The following RAI1 variants were observed in gnomAD, a reference collection of about 807,000 sequenced individuals.
RAI1 encodes the protein retinoic acid induced 1, also known as retinoic acid-induced protein 1.
Under a neutral mutation model 123.8 loss-of-function variants are expected in RAI1, and 9 were observed. The observed-to-expected ratio is 0.07, with a 90% confidence interval of 0.04 to 0.13. The LOEUF is 0.13. Among genes scored for constraint, RAI1 ranks in the 10% least tolerant of loss-of-function variants. The pLI is 1.00. For missense variants in RAI1, 2,256 were observed against 2,545.8 expected, an observed-to-expected ratio of 0.89 and a Z score of 2.45; for synonymous variants, 1,231 against 1,127.3, an observed-to-expected ratio of 1.09 and a Z score of -1.84.
intron 1 of RAI1, among the ~76,000 whole-genome samples, chr17:17,690,139 T>C (rs9897596): frequency 0.51 from 78,105 of 151,910 alleles, 21,339 homozygotes; most frequent in African/African-American, 0.67. Context: ...AATCCCAGCA[T>C]TTTGGGAGGC....
intron 2 of RAI1, among the ~76,000 whole-genome samples, chr17:17,756,610 T>C (rs1488820138): frequency 6.6e-6 from 1 of 152,032 alleles, no homozygotes; most frequent in Admixed American, 6.6e-5. Flanking sequence ...TCAAGTAAAG[T>C]GTGCTAGCTT....
At chr17:17,698,558 A>G (rs1393196395) in intron 1 of RAI1, among the ~76,000 whole-genome samples, 1 of 152,184 alleles carries the variant, frequency 6.6e-6, no homozygotes, top group Non-Finnish European at 1.5e-5. Context: ...CCCCTGGGGC[A>G]GATACCTTTG....
At position 17,796,130 on chromosome 17, in the gene RAI1, C is replaced by A. The variant is rs770943182; in HGVS notation, c.3182C>A (p.Thr1061Lys). The stretch of plus-strand genomic sequence containing the variant: ...CCCAGGATGTGTACTCGTTCTCTCA[C>A]GGCCCTGAGTGAGCCCCGCACGCCC... ...GLPRMCTRSL[T>K]ALSEPRTPGP... is the part of the protein sequence containing the mutation. The change falls in exon 3 of 6, where the codon ACG becomes AAG. Residue 1061 changes from threonine (T) to lysine (K), a missense_variant. Physicochemically the swap from Thr to Lys is moderately conservative, Grantham distance 78. Transcript: ENST00000353383. The surrounding 1 kb of genome is among the most constrained non-coding windows in gnomAD (Gnocchi z 5.8). 1 of 1,581,584 alleles carries A rather than the reference C, an allele frequency of 6.3e-7. No homozygotes were observed. The highest frequency in any genetic ancestry group is 1.8e-5 in the Admixed American group (1 of 55,804).
chr17:17,780,184 G>C (rs2031520184), intron 2 of RAI1, among the ~76,000 whole-genome samples: 1 of 151,314 alleles, frequency 6.6e-6, no homozygotes, highest in Admixed American at 6.6e-5. Context: ...TCATGCCTCA[G>C]CCTCCCGAGT....
intron 2 of RAI1, among the ~76,000 whole-genome samples, chr17:17,726,706 A>G (rs1220565474): frequency 2.1e-5 from 3 of 145,830 alleles, no homozygotes; most frequent in African/African-American, 7.9e-5. Flanking sequence ...ATATATTGTA[A>G]AATAGCATTC....
chr17:17,808,356 T>A (rs1176317606), intron 4 of RAI1, among the ~76,000 whole-genome samples: 1 of 151,248 alleles, frequency 6.6e-6, no homozygotes, highest in Non-Finnish European at 1.5e-5. Context: ...GGTTTATTTT[T>A]AAATTTTATT....
At chr17:17,735,448 G>A (rs922142974) in intron 2 of RAI1, among the ~76,000 whole-genome samples, 1 of 151,202 alleles carries the variant, frequency 6.6e-6, no homozygotes, top group Admixed American at 6.6e-5. Context: ...CCGCCTCCCG[G>A]GTTCAAGTGA....
chr17:17,802,424 G>A (rs2032492330), intron 3 of RAI1, among the ~76,000 whole-genome samples: 1 of 152,206 alleles, frequency 6.6e-6, no homozygotes, highest in Non-Finnish European at 1.5e-5. Flanking sequence ...TGGAATGGGA[G>A]CCTCAGTTTC....
In RAI1 at chr17:17,793,304, A is replaced by G. The variant is rs752599214; in HGVS notation, c.356A>G (p.Gln119Arg). The G allele has an allele frequency of 8.7e-6, 14 of 1,612,456 alleles. No individual in the cohort carries two copies. The highest frequency in any genetic ancestry group is 1.2e-5 in the Non-Finnish European group (14 of 1,179,726). Residue 119 changes from glutamine (Q) to arginine (R), a missense_variant, in exon 3 of 6, where the codon CAG becomes CGG. Coordinates refer to ENST00000353383, the MANE Select transcript of RAI1 (RefSeq NM_030665.4). ...CGCTATGCTGGTGAGGAGAGCCTTC[A>G]GGCTTGGGGGGCCCCACAGCCACCA... is the stretch of plus-strand genomic sequence containing the variant. ...PGRYAGEESL[Q>R]AWGAPQPPPP...
At chr17:17,717,001 A>G (rs569001802) in intron 1 of RAI1, among the ~76,000 whole-genome samples, 58 of 152,330 alleles carry the variant, frequency 3.8e-4, no homozygotes, top group Middle Eastern at 3.4e-3. Flanking sequence ...AGGTCCGTCT[A>G]TAGCAGTGGC....
chr17:17,795,556 G>C lies in RAI1; in HGVS notation c.2608G>C (p.Glu870Gln), dbSNP rs751678366. 3.7e-6 allele frequency: 6 copies of C among 1,609,026 alleles called. No homozygotes were observed. In the Admixed American group the frequency reaches 1.0e-4, roughly 27 times the overall value. ...SRKEDLEAEEEYSSLCELLGS... is the reference protein window; with the variant it reads ...SRKEDLEAEEQYSSLCELLGS... ...GAAGGAGGACCTGGAAGCTGAGGAG[G>C]AGTACTCCTCCCTATGTGAGCTCCT... The change falls in exon 3 of 6, where the codon GAG becomes CAG. Residue 870 changes from glutamate to glutamine, a missense_variant. By Grantham distance (29) the Glu-to-Gln change is conservative. Transcript: ENST00000353383. This position sits in a 1 kb window ranked among gnomAD's most constrained non-coding sequence, Gnocchi z 5.9.
Position 17,794,710 on chromosome 17 carries a change from G to A in RAI1, c.1762G>A (p.Val588Met), listed in dbSNP as rs546791674. 1.8e-5 allele frequency: 29 copies of A among 1,611,818 alleles called. No homozygotes were observed. Among genetic ancestry groups the A allele is most frequent in the East Asian group, 1.3e-4 (6 of 44,890 alleles). ...SLPLDSFSKF[V>M]AGERDCPRLL... ...GCCGCTCGACAGCTTCTCCAAGTTC[G>A]TGGCGGGTGAGCGGGACTGTCCGCG... The change falls in exon 3 of 6, where the codon GTG becomes ATG. Residue 588 changes from valine to methionine, a missense_variant. Val to Met is a conservative substitution (Grantham distance 21, BLOSUM62 1). This residue lies in a region of RAI1 where 357 missense variants were observed against 480.2 expected (regional missense o/e 0.74). Transcript: ENST00000353383.
chr17:17,782,931 T>A (rs2142998945), intron 2 of RAI1, among the ~76,000 whole-genome samples: 1 of 152,300 alleles, frequency 6.6e-6, no homozygotes, highest in East Asian at 1.9e-4. Flanking sequence ...GCGCGCCCCT[T>A]GCCGCCGCCG....
At position 17,796,927 on chromosome 17, in the gene RAI1, C is replaced by G. The variant is rs1431601207; in HGVS notation, c.3979C>G (p.Leu1327Val). 6.2e-7 allele frequency: 1 copy of G among 1,613,548 alleles called. No individual in the cohort carries two copies. The highest frequency in any genetic ancestry group is 8.5e-7 in the Non-Finnish European group (1 of 1,180,032). The change falls in exon 3 of 6, where the codon CTG becomes GTG. Residue 1327 changes from leucine (L) to valine (V), a missense_variant. Around this residue, in one of 7 missense-constraint regions of RAI1, gnomAD observed 322 missense variants for 358.0 expected, o/e 0.90. Coordinates refer to ENST00000353383, the MANE Select transcript of RAI1 (RefSeq NM_030665.4). This position sits in a 1 kb window ranked among gnomAD's most constrained non-coding sequence, Gnocchi z 5.8. The part of the protein sequence containing the change: ...KVLPPRKGRG[L>V]KLEAIVQKIT... ...GCTGCCACCCCGGAAGGGCCGGGGC[C>G]TGAAGCTGGAAGCCATCGTGCAGAA...
chr17:17,798,626 A>AC, intron 3 of RAI1, 113 bp downstream of exon 3: 3 of 1,511,130 alleles, frequency 2.0e-6, no homozygotes, highest in Non-Finnish European at 2.7e-6. Flanking sequence ...ATGTGTCTGC[A>AC]GTCTCGGGAC....
chr17:17,796,823 T>C lies in RAI1; in HGVS notation c.3875T>C (p.Leu1292Pro), dbSNP rs2143002813. 1 of 1,610,084 alleles carries C rather than the reference T, an allele frequency of 6.2e-7. No homozygotes were observed. ...TKGNGEPATK[L>P]PPPETPDACL... The stretch of plus-strand genomic sequence containing the variant: ...GGCAATGGCGAGCCTGCCACAAAGC[T>C]CCCACCCCCGGAGACCCCCGATGCC... Residue 1292 changes from leucine (L) to proline (P), a missense_variant, in exon 3 of 6, where the codon CTC (leucine) becomes CCC (proline). This residue lies in a region of RAI1 where 322 missense variants were observed against 358.0 expected (regional missense o/e 0.90). Transcript: ENST00000353383. The surrounding 1 kb of genome is among the most constrained non-coding windows in gnomAD (Gnocchi z 5.8).
chr17:17,731,773 A>G (rs1050313485), intron 2 of RAI1, among the ~76,000 whole-genome samples: 1 of 151,952 alleles, frequency 6.6e-6, no homozygotes, highest in African/African-American at 2.4e-5. Flanking sequence ...CATCTCCCCA[A>G]CCTCTTGCCT....
intron 2 of RAI1, among the ~76,000 whole-genome samples, chr17:17,743,954 T>C (rs1439759533): frequency 6.6e-6 from 1 of 152,132 alleles, no homozygotes; most frequent in Non-Finnish European, 1.5e-5. Flanking sequence ...TAAAAGGGAA[T>C]GGAGGGGAGA....
intron 1 of RAI1, among the ~76,000 whole-genome samples, chr17:17,698,076 G>GA (rs1915095198): frequency 6.6e-6 from 1 of 152,220 alleles, no homozygotes; most frequent in African/African-American, 2.4e-5. Flanking sequence ...CCAGAGACTA[G>GA]AGGGAGTTCG....
Sources: gnomAD v4.1 joint callset for allele counts (sites outside exome capture counted in the v4.1 genomes callset) on GRCh38, gnomAD v4.1.1 for gene constraint, gnomAD v4.1.1 regional missense constraint, Gnocchi (gnomAD v3.1) non-coding constraint, MANE v1.5 for transcripts, NCBI Gene and HGNC (gene_info 2026-07-23, HGNC 2026-07-21) for gene names.